Variants in NXPH1 observed in about 807,000 individuals in gnomAD.
NXPH1 encodes neurexophilin-1.
NXPH1 carries 5 observed loss-of-function variants against 23.7 expected under a neutral mutation model. That is an observed-to-expected ratio of 0.21 (90% CI 0.11 to 0.44). The LOEUF (loss-of-function observed/expected upper bound fraction) is 0.44, where lower values mean the gene tolerates loss of function less well. Among genes scored for constraint, NXPH1 ranks in the 20% least tolerant of loss-of-function variants. NXPH1 has a pLI of 0.99. For missense variants in NXPH1, 324 were observed against 321.6 expected (o/e 1.01, Z -0.06); for synonymous variants, 144 against 122.2 (o/e 1.18, Z -1.18).
chr7:8,590,728 C>T (rs562537558), intron 2 of NXPH1, among the ~76,000 whole-genome samples: 1 of 152,148 alleles, frequency 6.6e-6, no homozygotes, highest in Non-Finnish European at 1.5e-5. Flanking sequence ...GAAACAGGGA[C>T]CTTTTTACAG....
chr7:8,629,828 T>C (rs564917827), intron 2 of NXPH1, among the ~76,000 whole-genome samples: 17 of 152,100 alleles, frequency 1.1e-4, no homozygotes, highest in Non-Finnish European at 2.2e-4. Flanking sequence ...CAAAGTAAAG[T>C]GGGGAGTTTA....
At chr7:8,622,059 C>T (rs904604064) in intron 2 of NXPH1, among the ~76,000 whole-genome samples, 30 of 152,084 alleles carry the variant, frequency 2.0e-4, no homozygotes, top group African/African-American at 6.8e-4. Flanking sequence ...GTTTAATATT[C>T]GGAGTTACTA....
At chr7:8,601,968 T>A (rs530033501) in intron 2 of NXPH1, among the ~76,000 whole-genome samples, 1 of 152,348 alleles carries the variant, frequency 6.6e-6, no homozygotes, top group South Asian at 2.1e-4. Context: ...TTAAATACTT[T>A]TATGACTTTC....
intron 2 of NXPH1, among the ~76,000 whole-genome samples, chr7:8,437,256 A>G (rs1190713118): frequency 6.6e-6 from 1 of 152,098 alleles, no homozygotes; most frequent in African/African-American, 2.4e-5. Context: ...CCCATCTTCA[A>G]TCATTTTCAC....
intron 2 of NXPH1, among the ~76,000 whole-genome samples, chr7:8,483,384 A>G (rs73048836): frequency 0.033 from 5,019 of 152,172 alleles, 120 homozygotes; most frequent in Non-Finnish European, 0.051. Context: ...CGGCTGGAGT[A>G]GAGTGGTGTG....
chr7:8,506,438 A>C (rs2189903), intron 2 of NXPH1, among the ~76,000 whole-genome samples: 14,749 of 152,108 alleles, frequency 0.097, 836 homozygotes, highest in East Asian at 0.24. Flanking sequence ...TAAGTGAGAA[A>C]AGATGTTTGG....
chr7:8,452,250 A>G (rs1276849376), intron 2 of NXPH1, among the ~76,000 whole-genome samples: 1 of 152,214 alleles, frequency 6.6e-6, no homozygotes, highest in Admixed American at 6.5e-5. Flanking sequence ...TTCCTTTCTA[A>G]CAATCCAATA....
At chr7:8,555,108 G>GA (rs1463938226) in intron 2 of NXPH1, among the ~76,000 whole-genome samples, 1 of 151,658 alleles carries the variant, frequency 6.6e-6, no homozygotes, top group Non-Finnish European at 1.5e-5. Flanking sequence ...TGAAAGGACT[G>GA]AATGCAACCC....
chr7:8,737,487 C>A (rs1315579872), intron 2 of NXPH1, among the ~76,000 whole-genome samples: 2 of 152,140 alleles, frequency 1.3e-5, no homozygotes, highest in Non-Finnish European at 2.9e-5. Flanking sequence ...TGTAGGGTTT[C>A]TGCAGAGAGA....
At chr7:8,637,423 G>A (rs76607717) in intron 2 of NXPH1, among the ~76,000 whole-genome samples, 7,863 of 152,074 alleles carry the variant, frequency 0.052, 422 homozygotes, top group East Asian at 0.17. Flanking sequence ...TGGGGTTTCA[G>A]TATGTTGCCC....
intron 2 of NXPH1, among the ~76,000 whole-genome samples, chr7:8,471,502 T>C (rs1333330510): frequency 1.3e-5 from 2 of 152,132 alleles, no homozygotes; most frequent in Non-Finnish European, 2.9e-5. Flanking sequence ...AATCAATGGC[T>C]GCTTTGGAAA....
chr7:8,492,726 T>C (rs1310012215), intron 2 of NXPH1, among the ~76,000 whole-genome samples: 1 of 152,140 alleles, frequency 6.6e-6, no homozygotes, highest in African/African-American at 2.4e-5. Context: ...ATAATGCTGA[T>C]GCTGTTTCTG....
At chr7:8,465,682 C>T (rs1385207284) in intron 2 of NXPH1, among the ~76,000 whole-genome samples, 1 of 152,176 alleles carries the variant, frequency 6.6e-6, no homozygotes, top group East Asian at 1.9e-4. Context: ...CCTGGTGGCA[C>T]TTACACTTAG....
intron 2 of NXPH1, among the ~76,000 whole-genome samples, chr7:8,710,641 T>G (rs10280409): frequency 0.76 from 60,774 of 80,208 alleles, 21,124 homozygotes; most frequent in East Asian, 0.83. Context: ...AACTGTTACG[T>G]TTTTTGTTTT....
chr7:8,456,454 G>A (rs1391177284), intron 2 of NXPH1, among the ~76,000 whole-genome samples: 1 of 152,164 alleles, frequency 6.6e-6, no homozygotes, highest in Non-Finnish European at 1.5e-5. Flanking sequence ...CCTTGAGTCT[G>A]GTCCAAGTGG....
chr7:8,465,612 C>G (rs774672577), intron 2 of NXPH1, among the ~76,000 whole-genome samples: 1 of 152,202 alleles, frequency 6.6e-6, no homozygotes, highest in Non-Finnish European at 1.5e-5. Flanking sequence ...TTTTCACGGT[C>G]GCTTTCCAGC....
rs1816176124 is a variant in NXPH1 at position 8,435,495 on chromosome 7, C to T, written c.-110-109C>T. On this transcript the variant is annotated intron_variant, in intron 1 of 2. Transcript: ENST00000405863. The surrounding 1 kb of genome is among the most constrained non-coding windows in gnomAD (Gnocchi z 5.9). ...TTTCAATTTTTCGTACCCTCCCTCC[C>T]TTTTTTTTTTGGTCCCCCACTCCCC... The T allele has an allele frequency of 6.1e-6, 3 of 490,570 alleles. No homozygotes were observed. Among genetic ancestry groups the T allele is most frequent in the Non-Finnish European group, 1.1e-5 (3 of 273,090 alleles). The allele number at this position is 490,570 out of a possible 1,614,324, so 30.4% of individuals were successfully genotyped here.
intron 2 of NXPH1, among the ~76,000 whole-genome samples, chr7:8,561,090 C>T (rs940199239): frequency 1.3e-5 from 2 of 151,526 alleles, no homozygotes; most frequent in African/African-American, 2.4e-5. Flanking sequence ...ATTATAACTA[C>T]GGGAATTCTA....
At chr7:8,505,489 C>A (rs1817507843) in intron 2 of NXPH1, among the ~76,000 whole-genome samples, 1 of 152,000 alleles carries the variant, frequency 6.6e-6, no homozygotes, top group Admixed American at 6.6e-5. Context: ...ACATTGCAGA[C>A]TGGATTTCTG....
Sources: allele counts gnomAD v4.1 joint callset (sites outside exome capture counted in the v4.1 genomes callset), GRCh38; gene constraint gnomAD v4.1.1; non-coding constraint Gnocchi (gnomAD v3.1); transcripts MANE v1.5; gene names NCBI Gene and HGNC (gene_info 2026-07-23, HGNC 2026-07-21).